Variants in EPB41 observed in about 807,000 individuals in gnomAD.
EPB41 encodes erythrocyte membrane protein band 4.1, also known as protein 4.1.
Under a neutral mutation model 108.0 loss-of-function variants are expected in EPB41, and 65 were observed. The observed-to-expected ratio is 0.60, with a 90% CI of 0.49 to 0.74. EPB41 has a LOEUF of 0.74. Among genes scored for constraint, EPB41 ranks in the 30% least tolerant of loss-of-function variants. The probability of loss-of-function intolerance (pLI) is 0.00; values close to 1 mark genes in which losing one functional copy is unlikely to be tolerated. For missense variants in EPB41, 875 were observed against 1,037.0 expected (o/e 0.84, Z 2.15); for synonymous variants, 336 against 358.9 (o/e 0.94, Z 0.72).
intron 1 of EPB41, among the ~76,000 whole-genome samples, chr1:28,921,965 CTT>C (rs1417579243): frequency 1.5e-5 from 1 of 67,632 alleles, no homozygotes; most frequent in Non-Finnish European, 2.4e-5. Flanking sequence ...TATATATACA[CTT>C]TTTTTTTGTT....
intron 12 of EPB41, among the ~76,000 whole-genome samples, chr1:29,056,401 G>C (rs1289853445): frequency 1.3e-5 from 2 of 152,150 alleles, no homozygotes; most frequent in Admixed American, 1.3e-4. Context: ...GATAGAGATA[G>C]CTTTTTGTTG....
At chr1:28,897,351 C>T (rs773502712) in intron 1 of EPB41, among the ~76,000 whole-genome samples, 1 of 151,962 alleles carries the variant, frequency 6.6e-6, no homozygotes, top group East Asian at 1.9e-4. Flanking sequence ...GAGTTCAACA[C>T]AAGCCTAGGG....
chr1:28,893,666 G>A (rs126014), intron 1 of EPB41: 96,998 of 152,140 alleles, frequency 0.64, 31,586 homozygotes, highest in East Asian at 0.91. Flanking sequence ...GAGGCAGAGG[G>A]AGGGCAGGGT....
chr1:28,921,958 A>ATATATATATATATATATC (rs2093115463), intron 1 of EPB41, among the ~76,000 whole-genome samples: 1 of 116,130 alleles, frequency 8.6e-6, no homozygotes, highest in African/African-American at 3.3e-5. Context: ...ATATATATAT[A>ATATATATATATATATATC]TATACACTTT....
At chr1:28,952,669 A>G (rs1216437995) in intron 1 of EPB41, among the ~76,000 whole-genome samples, 1 of 152,226 alleles carries the variant, frequency 6.6e-6, no homozygotes, top group Non-Finnish European at 1.5e-5. Context: ...TTTTTTAAAC[A>G]TACTGTAACC....
intron 1 of EPB41, among the ~76,000 whole-genome samples, chr1:28,931,821 A>G (rs1440957013): frequency 6.6e-6 from 1 of 152,124 alleles, no homozygotes; most frequent in Admixed American, 6.5e-5. Flanking sequence ...GGCGTGAGCC[A>G]CCGCGCCCGA....
intron 1 of EPB41, among the ~76,000 whole-genome samples, chr1:28,940,389 C>T (rs753982646): frequency 2.6e-5 from 4 of 152,148 alleles, no homozygotes; most frequent in African/African-American, 4.8e-5. Context: ...CGGTGGCTCA[C>T]GGCTGTAATC....
At chr1:29,078,995 T>G (rs1470681153) in intron 16 of EPB41, among the ~76,000 whole-genome samples, 2 of 151,700 alleles carry the variant, frequency 1.3e-5, no homozygotes, top group Non-Finnish European at 2.9e-5. Context: ...GAAAGTAAAA[T>G]GATTTTTTTT....
At chr1:28,970,164 T>C (rs2095461683) in intron 1 of EPB41, among the ~76,000 whole-genome samples, 1 of 152,218 alleles carries the variant, frequency 6.6e-6, no homozygotes, top group African/African-American at 2.4e-5. Flanking sequence ...TCTGGTGGCC[T>C]GTAGTATATT....
chr1:29,100,044 G>T (rs1354764053), intron 17 of EPB41, among the ~76,000 whole-genome samples: 1 of 152,176 alleles, frequency 6.6e-6, no homozygotes, highest in Non-Finnish European at 1.5e-5. Flanking sequence ...AGGTCTGAAT[G>T]ATGGGAAAGA....
chr1:29,024,284 G>A (rs1322858951), intron 7 of EPB41, among the ~76,000 whole-genome samples: 2 of 151,476 alleles, frequency 1.3e-5, no homozygotes, highest in African/African-American at 2.4e-5. Context: ...GCAGTGAGCC[G>A]AGATCATGCC....
intron 15 of EPB41, among the ~76,000 whole-genome samples, chr1:29,064,549 G>A (rs1363690110): frequency 2.0e-5 from 3 of 152,142 alleles, no homozygotes; most frequent in Non-Finnish European, 2.9e-5. Flanking sequence ...GTTTCACCAT[G>A]CCTTCATTAA....
chr1:28,976,445 C>G (rs1299564676), intron 1 of EPB41, among the ~76,000 whole-genome samples: 1 of 152,204 alleles, frequency 6.6e-6, no homozygotes, highest in Non-Finnish European at 1.5e-5. Context: ...GCCTTGACCT[C>G]TGAGGCTCAA....
At chr1:28,977,160 AT>A (rs1288627778) in intron 1 of EPB41, among the ~76,000 whole-genome samples, 1 of 151,746 alleles carries the variant, frequency 6.6e-6, no homozygotes, top group Non-Finnish European at 1.5e-5. Context: ...GTGGTTTTTT[AT>A]TTTTTTTCTT....
At chr1:29,034,973 G>GTTTTTTTTTTTTTTTTTT (rs10580931) in intron 9 of EPB41, among the ~76,000 whole-genome samples, 2 of 87,186 alleles carry the variant, frequency 2.3e-5, no homozygotes, top group African/African-American at 4.0e-5. Context: ...TTTGTTTGTT[G>GTTTTTTTTTTTTTTTTTT]TTTTTTTTTT....
chr1:28,935,472 C>CACACA (rs2093979519), intron 1 of EPB41, among the ~76,000 whole-genome samples: 1 of 86,622 alleles, frequency 1.2e-5, no homozygotes, highest in East Asian at 4.6e-4. Flanking sequence ...CACACACCCC[C>CACACA]CCCCCCCCAA....
chr1:29,034,788 T>C (rs753392298), intron 9 of EPB41, among the ~76,000 whole-genome samples: 10 of 152,144 alleles, frequency 6.6e-5, no homozygotes, highest in Non-Finnish European at 1.2e-4. Flanking sequence ...TCAAGAGATC[T>C]ATTGTACAAC....
intron 17 of EPB41, among the ~76,000 whole-genome samples, chr1:29,100,236 A>G (rs1045853040): frequency 5.9e-5 from 9 of 151,294 alleles, no homozygotes; most frequent in African/African-American, 2.2e-4. Flanking sequence ...TGGGAGGCCA[A>G]GGCAGGCGGA....
intron 1 of EPB41, among the ~76,000 whole-genome samples, chr1:28,957,987 TA>T (rs764780247): frequency 2.1e-4 from 32 of 152,194 alleles, no homozygotes; most frequent in Middle Eastern, 3.4e-3. Flanking sequence ...AATTTATTAT[TA>T]TTTTTTTTTA....
Sources: allele counts gnomAD v4.1 joint callset (sites outside exome capture counted in the v4.1 genomes callset), GRCh38; gene constraint gnomAD v4.1.1; transcripts MANE v1.5; gene names NCBI Gene and HGNC (gene_info 2026-07-23, HGNC 2026-07-21).